WDR62: variants seen among roughly 807,000 people sequenced by gnomAD.
WDR62 encodes WD repeat domain 62.
In WDR62, 112 loss-of-function variants were observed where a neutral mutation model predicts 160.6. The ratio of observed to expected loss-of-function variants is 0.70; its 90% CI spans 0.60 to 0.82. The LOEUF (loss-of-function observed/expected upper bound fraction) is 0.82, where lower values mean the gene tolerates loss of function less well. WDR62 is among the 40% of genes least tolerant of loss of function. The probability of loss-of-function intolerance (pLI) is 0.00; values close to 1 mark genes in which losing one functional copy is unlikely to be tolerated. For synonymous variants in WDR62, 792 were observed against 815.1 expected (o/e 0.97, Z 0.48); for missense variants, 1,819 against 1,983.8 (o/e 0.92, Z 1.58).
In WDR62 at chr19:36,101,715, C is replaced by G. The variant is rs1393404352; in HGVS notation, c.3023C>G (p.Ser1008Cys). 1 of 1,551,478 alleles carries G rather than the reference C, an allele frequency of 6.4e-7. No individual in the cohort carries two copies. Among genetic ancestry groups the G allele is most frequent in the Non-Finnish European group, 8.7e-7 (1 of 1,147,056 alleles). Residue 1008 changes from serine (S) to cysteine (C), a missense_variant, in exon 25 of 32, where the codon TCC becomes TGC. Transcript: ENST00000401500. ...GAGTGCAGCTTCGCAGCCATCCACTCCCCAGCTCCGCCTCCTGACCCTGCC... is the reference window on the plus strand; with the variant it reads ...GAGTGCAGCTTCGCAGCCATCCACTGCCCAGCTCCGCCTCCTGACCCTGCC... ...DLECSFAAIH[S>C]PAPPPDPAPR...
chr19:36,086,106 C>G (rs1437758722), intron 12 of WDR62, among the ~76,000 whole-genome samples: 3 of 152,066 alleles, frequency 2.0e-5, no homozygotes, highest in African/African-American at 7.2e-5. Flanking sequence ...TTCGTTCTCT[C>G]ATCCCCCATG....
Position 36,104,594 on chromosome 19 carries a change from TC to T in WDR62, c.4234del (p.Glu1413SerfsTer2). On this transcript the variant is annotated frameshift_variant, in exon 31 of 32. Transcript: ENST00000401500. LOFTEE classifies it high-confidence loss of function. ...WVPVEALPPS[P>X]LELSRVGNIL... ...TGCCGGTTGAAGCCCTGCCCCCATC[TC>T]CCCTTGAGCTGAGCAGGGTGGGGAA... is the stretch of plus-strand genomic sequence containing the variant. 1 of 1,613,398 alleles carries T rather than the reference TC, an allele frequency of 6.2e-7. No individual in the cohort carries two copies. Among genetic ancestry groups the T allele is most frequent in the Non-Finnish European group, 8.5e-7 (1 of 1,179,890 alleles).
chr19:36,107,728 T>G (rs1490660869), downstream of WDR62, among the ~76,000 whole-genome samples: 2 of 152,046 alleles, frequency 1.3e-5, no homozygotes, highest in Non-Finnish European at 2.9e-5. Context: ...GAAAGGCAAG[T>G]GGGCTGGTAA....
intron 21 of WDR62, among the ~76,000 whole-genome samples, chr19:36,097,876 G>A (rs1973069382): frequency 6.6e-6 from 1 of 151,720 alleles, no homozygotes; most frequent in Admixed American, 6.6e-5. Context: ...CCAACACTTT[G>A]TCTCATAAAA....
Position 36,102,042 on chromosome 19 carries a change from GTCCCTGCC to G in WDR62, c.3112_3119del (p.Ser1038ArgfsTer25). ...GCGCAGGTCCCACAGAAGATGAGCT[GTCCCTGCC>G]CGAGGGACCCAGCGTCCCCAGCAGC... On this transcript the variant is annotated frameshift_variant, in exon 26 of 32. Coordinates refer to ENST00000401500, the MANE Select transcript of WDR62 (RefSeq NM_001083961.2). LOFTEE classifies it high-confidence loss of function. 1 of 1,614,150 alleles carries G rather than the reference GTCCCTGCC, an allele frequency of 6.2e-7. No individual in the cohort carries two copies. Among genetic ancestry groups the G allele is most frequent in the Non-Finnish European group, 8.5e-7 (1 of 1,180,018 alleles).
intron 12 of WDR62, among the ~76,000 whole-genome samples, chr19:36,085,483 C>T (rs1330477029): frequency 1.4e-5 from 2 of 141,176 alleles, no homozygotes; most frequent in African/African-American, 2.6e-5. Context: ...GGCAATGACG[C>T]GATCTCAGTT....
At chr19:36,091,898 A>C (rs890989710) in intron 18 of WDR62, among the ~76,000 whole-genome samples, 1 of 151,626 alleles carries the variant, frequency 6.6e-6, no homozygotes, top group South Asian at 2.1e-4. Context: ...AAAACAAAAC[A>C]CTAAAAAAAC....
At chr19:36,091,381 G>C in intron 17 of WDR62, 21 bp from the exon 18 acceptor site, 1 of 1,558,934 alleles carries the variant, frequency 6.4e-7, no homozygotes, top group Non-Finnish European at 8.8e-7. Context: ...GGCAAGTGCA[G>C]CCTCTCTGCT....
In WDR62 at chr19:36,089,075, C is replaced by G; in HGVS notation, c.1806C>G (p.Asp602Glu). The change falls in exon 14 of 32, where the codon GAC becomes GAG. Residue 602 changes from aspartate (D) to glutamate (E), a missense_variant. Physicochemically the swap from Asp to Glu is conservative, Grantham distance 45. Coordinates refer to ENST00000401500, the MANE Select transcript of WDR62 (RefSeq NM_001083961.2). ...RDIQMISCGADKSIYFRSAQQ... is the reference protein window; with the variant it reads ...RDIQMISCGAEKSIYFRSAQQ... The stretch of plus-strand genomic sequence containing the variant: ...TCCAGATGATCAGCTGTGGGGCTGA[C>G]AAGAGCATCTACTTTCGCAGTGCCC... 6.2e-7 allele frequency: 1 copy of G among 1,614,112 alleles called. No individual in the cohort carries two copies. Among genetic ancestry groups the G allele is most frequent in the Non-Finnish European group, 8.5e-7 (1 of 1,180,008 alleles).
intron 7 of WDR62, among the ~76,000 whole-genome samples, chr19:36,069,941 G>GGCA (rs1473145883): frequency 1.3e-5 from 2 of 151,832 alleles, no homozygotes; most frequent in Admixed American, 6.6e-5. Context: ...GAGCCGAGAG[G>GGCA]GCAGCAGTAC....
chr19:36,105,002 G>A lies in WDR62; in HGVS notation c.4546G>A (p.Val1516Met), dbSNP rs369708392. ...CTACTCGGAGCTGCTGGTGCAGGCC[G>A]TGCGGAGGAAGGCACGGGGGCACTG... Reference protein sequence around the residue: ...EHYSELLVQAVRRKARGH With the variant: ...EHYSELLVQAMRRKARGH Residue 1516 changes from valine (V) to methionine (M), a missense_variant, in exon 32 of 32, where the codon GTG becomes ATG. Physicochemically the swap from Val to Met is conservative, Grantham distance 21. Around this residue, in one of 3 missense-constraint regions of WDR62, gnomAD observed 770 missense variants for 734.2 expected, o/e 1.05. Coordinates refer to ENST00000401500, the MANE Select transcript of WDR62 (RefSeq NM_001083961.2). 37 of 1,601,160 alleles carry A rather than the reference G, an allele frequency of 2.3e-5. No individual in the cohort carries two copies. The African/African-American group carries it at 2.9e-4, about 13-fold the overall frequency.
chr19:36,071,592 C>G lies in WDR62; in HGVS notation c.919C>G (p.Leu307Val). 6.2e-7 allele frequency: 1 copy of G among 1,614,260 alleles called. No homozygotes were observed. ...LSSCLCVSQE[L>V]IFCGCTDGIV... ...TTCCTGCCTCTGTGTCAGCCAGGAG[C>G]TCATCTTCTGTGGCTGCACAGATGG... Residue 307 changes from leucine to valine, a missense_variant, in exon 8 of 32, where the codon CTC becomes GTC. Physicochemically the swap from Leu to Val is conservative, Grantham distance 32. Around this residue, in one of 3 missense-constraint regions of WDR62, gnomAD observed 934 missense variants for 1,157.2 expected, o/e 0.81. Coordinates refer to ENST00000401500, the MANE Select transcript of WDR62 (RefSeq NM_001083961.2).
In WDR62 at chr19:36,091,207, T is replaced by C. The variant is rs1972582631; in HGVS notation, c.2042T>C (p.Val681Ala). ...GDEGSLLKVHVDPSGTFLATS... is the reference protein window; with the variant it reads ...GDEGSLLKVHADPSGTFLATS... ...GGGTCCCTTTCCTGGCAGGTCCATG[T>C]GGACCCCTCAGGCACCTTCCTGGCC... Residue 681 changes from valine (V) to alanine (A), a missense_variant, in exon 17 of 32, where the codon GTG becomes GCG. Val to Ala is a moderately conservative substitution (Grantham distance 64). This residue lies in a region of WDR62 where 934 missense variants were observed against 1,157.2 expected (regional missense o/e 0.81). Coordinates refer to ENST00000401500, the MANE Select transcript of WDR62 (RefSeq NM_001083961.2). The C allele has an allele frequency of 6.2e-7, 1 of 1,612,500 alleles. No individual in the cohort carries two copies.
chr19:36,085,932 C>G (rs545703688), intron 12 of WDR62, among the ~76,000 whole-genome samples: 1 of 152,246 alleles, frequency 6.6e-6, no homozygotes, highest in South Asian at 2.1e-4. Flanking sequence ...ATCCACCCGC[C>G]TTGGCCTCCC....
chr19:36,109,077 A>G (rs1973760014), downstream of WDR62, among the ~76,000 whole-genome samples: 1 of 152,154 alleles, frequency 6.6e-6, no homozygotes, highest in African/African-American at 2.4e-5. Flanking sequence ...ATGCATGGCC[A>G]GCAGACCCTC....
At chr19:36,093,262 G>T (rs1972748536) in intron 19 of WDR62, among the ~76,000 whole-genome samples, 1 of 151,766 alleles carries the variant, frequency 6.6e-6, no homozygotes, top group Non-Finnish European at 1.5e-5. Flanking sequence ...GGAGGGGTGG[G>T]TAGACAGGGG....
At chr19:36,084,602 A>G in intron 11 of WDR62, 51 bp from the exon 12 acceptor site, 1 of 1,572,390 alleles carries the variant, frequency 6.4e-7, no homozygotes, top group Non-Finnish European at 8.7e-7. Context: ...GAAGTGGTAG[A>G]GCACATGGGG....
intron 1 of WDR62, 80 bp from the exon 2 acceptor site, chr19:36,058,700 C>T (rs1225754117): frequency 2.3e-5 from 25 of 1,103,860 alleles, no homozygotes; most frequent in Non-Finnish European, 3.3e-5. Flanking sequence ...TGTAGCAGGA[C>T]CTGAATGGGT....
At chr19:36,105,716 T>C (rs1973696664), downstream of WDR62, among the ~76,000 whole-genome samples, 1 of 152,102 alleles carries the variant, frequency 6.6e-6, no homozygotes, top group South Asian at 2.1e-4. Context: ...TTTTTGTTTT[T>C]GAGATGGAAT....
Sources: gnomAD v4.1 joint callset for allele counts (sites outside exome capture counted in the v4.1 genomes callset) on GRCh38, gnomAD v4.1.1 for gene constraint, gnomAD v4.1.1 regional missense constraint, MANE v1.5 for transcripts, NCBI Gene and HGNC (gene_info 2026-07-23, HGNC 2026-07-21) for gene names.